UBE2N: variants seen among roughly 807,000 people sequenced by gnomAD.
UBE2N encodes the protein ubiquitin-conjugating enzyme E2 N.
For missense variants in UBE2N, 60 were observed against 192.1 expected, an observed-to-expected ratio of 0.31 and a Z score of 4.07; for synonymous variants, 70 against 69.2, an observed-to-expected ratio of 1.01 and a Z score of -0.06.
At chr12:93,426,538 T>A (rs1356317720) in intron 1 of UBE2N, among the ~76,000 whole-genome samples, 1 of 151,988 alleles carries the variant, frequency 6.6e-6, no homozygotes, top group Non-Finnish European at 1.5e-5. Context: ...ACAAGCTTAA[T>A]CAAAACAAGA....
intron 1 of UBE2N, among the ~76,000 whole-genome samples, chr12:93,430,656 T>A (rs1053147306): frequency 2.0e-5 from 3 of 151,740 alleles, no homozygotes; most frequent in African/African-American, 7.3e-5. Flanking sequence ...CTCACGCCTG[T>A]AATCCCAACA....
chr12:93,410,144 T>C, intron 3 of UBE2N, 65 bp from the exon 4 acceptor site: 1 of 1,485,060 alleles, frequency 6.7e-7, no homozygotes, highest in East Asian at 2.3e-5. Flanking sequence ...TTCCAAACTA[T>C]AAATGGCAAA....
At chr12:93,428,870 T>G (rs1423531189) in intron 1 of UBE2N, among the ~76,000 whole-genome samples, 1 of 152,224 alleles carries the variant, frequency 6.6e-6, no homozygotes, top group African/African-American at 2.4e-5. Context: ...CAAGTACTTC[T>G]CTAAGCACAG....
At chr12:93,431,003 C>T (rs1293650365) in intron 1 of UBE2N, among the ~76,000 whole-genome samples, 2 of 150,212 alleles carry the variant, frequency 1.3e-5, no homozygotes, top group African/African-American at 2.4e-5. Context: ...CCAAGGCGGG[C>T]GAATCACAAG....
chr12:93,433,122 AC>A (rs981591525), intron 1 of UBE2N, among the ~76,000 whole-genome samples: 17 of 151,934 alleles, frequency 1.1e-4, no homozygotes, highest in Admixed American at 7.2e-4. Flanking sequence ...TTTAGTAGAG[AC>A]GGGGTTTCAC....
At chr12:93,418,514 T>C (rs1350815877) in intron 1 of UBE2N, among the ~76,000 whole-genome samples, 1 of 134,084 alleles carries the variant, frequency 7.5e-6, no homozygotes, top group Non-Finnish European at 1.5e-5. Context: ...AATGTCTCAT[T>C]ATAGTAAAAC....
At chr12:93,433,089 C>T (rs1161675409) in intron 1 of UBE2N, among the ~76,000 whole-genome samples, 3 of 151,960 alleles carry the variant, frequency 2.0e-5, no homozygotes, top group African/African-American at 4.8e-5. Context: ...CCCACCACCA[C>T]GCCCAGCTAA....
chr12:93,418,276 A>G (rs1878285540), intron 1 of UBE2N, among the ~76,000 whole-genome samples: 1 of 152,200 alleles, frequency 6.6e-6, no homozygotes, highest in Admixed American at 6.5e-5. Context: ...AGGTGGGAGT[A>G]CTGCCTGAGC....
chr12:93,410,085 G>A lies in UBE2N; in HGVS notation c.419-6C>T. ...TAGCCTAGTCCATGCTCTAGCTGTA[G>A]ACAGAAACAAACATACGATTATTAT... On this transcript the variant is annotated splice_polypyrimidine_tract_variant and splice_region_variant and intron_variant, in intron 3 of 3. Coordinates refer to ENST00000318066, the MANE Select transcript of UBE2N (RefSeq NM_003348.4). 3 of 1,612,528 alleles carry A rather than the reference G, an allele frequency of 1.9e-6. No individual in the cohort carries two copies. Among genetic ancestry groups the A allele is most frequent in the Non-Finnish European group, 2.5e-6 (3 of 1,179,248 alleles).
At chr12:93,431,253 A>C (rs114892921) in intron 1 of UBE2N, among the ~76,000 whole-genome samples, 38 of 152,260 alleles carry the variant, frequency 2.5e-4, no homozygotes, top group Non-Finnish European at 3.8e-4. Flanking sequence ...AACCAACCAA[A>C]CAAACAAAAC....
chr12:93,428,582 C>G lies in UBE2N; in HGVS notation c.30+13273G>C, dbSNP rs565201139. ...TTTTACTTTTGTCTCCCATTCTACC[C>G]ATCTTTGCATTGAAGCCAAGCACAC... On this transcript the variant is annotated intron_variant, in intron 1 of 3. Transcript: ENST00000318066. 2.6e-5 allele frequency among the ~76,000 whole-genome samples: 4 copies of G among 152,302 alleles called. No individual in the cohort carries two copies. In the East Asian group the frequency reaches 7.7e-4, roughly 29 times the overall value.
intron 1 of UBE2N, among the ~76,000 whole-genome samples, chr12:93,433,626 ATTTAT>A (rs1264086750): frequency 1.3e-5 from 2 of 152,132 alleles, no homozygotes; most frequent in African/African-American, 2.4e-5. Context: ...TGCCTCTCAT[ATTTAT>A]TTTGTTTTTA....
chr12:93,410,296 CA>C, intron 3 of UBE2N: 1 of 524,756 alleles, frequency 1.9e-6, no homozygotes, highest in Non-Finnish European at 3.3e-6. Context: ...CTAGAAAATT[CA>C]AGAGGATGAA....
intron 1 of UBE2N, among the ~76,000 whole-genome samples, chr12:93,415,004 A>C (rs1354980637): frequency 2.6e-5 from 4 of 152,186 alleles, no homozygotes; most frequent in African/African-American, 9.7e-5. Flanking sequence ...AACGATCAGA[A>C]TTTCATCGTT....
chr12:93,434,491 G>C (rs1480267782), intron 1 of UBE2N, among the ~76,000 whole-genome samples: 2 of 152,170 alleles, frequency 1.3e-5, no homozygotes, highest in African/African-American at 4.8e-5. Context: ...TTGACACAGA[G>C]GAGCTTAAAA....
intron 1 of UBE2N, among the ~76,000 whole-genome samples, chr12:93,428,262 T>C (rs897309075): frequency 6.6e-5 from 10 of 152,178 alleles, no homozygotes; most frequent in African/African-American, 2.4e-4. Context: ...GGACTACACT[T>C]CTGAAGAAAA....
intron 1 of UBE2N, among the ~76,000 whole-genome samples, chr12:93,418,922 C>G (rs992098731): frequency 6.6e-6 from 1 of 152,166 alleles, no homozygotes; most frequent in Non-Finnish European, 1.5e-5. Flanking sequence ...ATTTCAACTA[C>G]TCAACAGCCA....
chr12:93,410,593 G>A (rs796127158), intron 3 of UBE2N, 141 bp downstream of exon 3: 7 of 1,277,714 alleles, frequency 5.5e-6, no homozygotes, highest in African/African-American at 1.5e-5. Flanking sequence ...TTGTTAAGAC[G>A]TATTTACATA....
intron 1 of UBE2N, among the ~76,000 whole-genome samples, chr12:93,413,930 G>A (rs1316464460): frequency 2.6e-5 from 4 of 152,226 alleles, no homozygotes; most frequent in African/African-American, 9.6e-5. Context: ...GGGAGGCCGA[G>A]GCGGGTGGAT....
Sources: gnomAD v4.1 joint callset for allele counts (sites outside exome capture counted in the v4.1 genomes callset) on GRCh38, gnomAD v4.1.1 for gene constraint, MANE v1.5 for transcripts, NCBI Gene and HGNC (gene_info 2026-07-23, HGNC 2026-07-21) for gene names.